ARCN1: variants seen among roughly 807,000 people sequenced by gnomAD.
ARCN1 encodes coatomer subunit delta.
In ARCN1, 5 loss-of-function variants were observed where a neutral mutation model predicts 60.4. That is an observed-to-expected ratio of 0.08 (90% CI 0.04 to 0.17). ARCN1 has a LOEUF of 0.17. Ranked by LOEUF, ARCN1 falls within the 10% of genes least tolerant of loss-of-function variation. The probability of loss-of-function intolerance (pLI) is 1.00; values close to 1 mark genes in which losing one functional copy is unlikely to be tolerated. For synonymous variants in ARCN1, 224 were observed against 220.0 expected, an observed-to-expected ratio of 1.02 and a Z score of -0.16; for missense variants, 464 against 626.5, an observed-to-expected ratio of 0.74 and a Z score of 2.77.
chr11:118,597,955 A>G (rs1383433779), intron 9 of ARCN1, 44 bp downstream of exon 9: 3 of 1,595,584 alleles, frequency 1.9e-6, no homozygotes, highest in Non-Finnish European at 1.7e-6. Flanking sequence ...AAGTGGTAGG[A>G]CAGTAGGAAC....
intron 1 of ARCN1, among the ~76,000 whole-genome samples, chr11:118,579,581 G>A (rs1461219854): frequency 3.3e-5 from 5 of 151,106 alleles, no homozygotes; most frequent in African/African-American, 7.3e-5. Context: ...CCAGCTACTC[G>A]GGAGGCTGAG....
At position 118,572,480 on chromosome 11, in the gene ARCN1, G is replaced by A. The variant is rs1267579050; in HGVS notation, c.-68G>A. The A allele has an allele frequency of 3.2e-6, 5 of 1,570,966 alleles. No individual in the cohort carries two copies. Among genetic ancestry groups the A allele is most frequent in the Middle Eastern group, 3.3e-4 (2 of 5,978 alleles). ...CAGGTCCAGAGCTGCTGGTGCTCCC[G>A]TTCCCCAGACCCTACCCCTATCCCC... is the stretch of plus-strand genomic sequence containing the variant. On this transcript the variant is annotated 5_prime_UTR_variant, in exon 1 of 10. Coordinates refer to ENST00000264028, the MANE Select transcript of ARCN1 (RefSeq NM_001655.5).
rs1939149096 is a variant in ARCN1 at position 118,601,566 on chromosome 11, C to G, written c.*852C>G. 1 of 695,238 alleles carries G rather than the reference C, an allele frequency of 1.4e-6. No homozygotes were observed. The highest frequency in any genetic ancestry group is 2.7e-5 in the East Asian group (1 of 37,156). The allele number at this position is 695,238 out of a possible 1,614,324, so 43.1% of individuals were successfully genotyped here. A position where few individuals can be genotyped will look rare whatever the true frequency, so the allele number is the denominator to read the frequency against. ...TTTGGCACTCCTGGAACAAGTATAT[C>G]TAACCCATTCTTGATTTTTGGACTA... On this transcript the variant is annotated 3_prime_UTR_variant, in exon 10 of 10. Transcript: ENST00000264028.
chr11:118,576,431 A>T (rs1489705535), intron 1 of ARCN1, among the ~76,000 whole-genome samples: 55 of 140,602 alleles, frequency 3.9e-4, no homozygotes, highest in African/African-American at 1.4e-3. Context: ...AATGTTAAAA[A>T]AAAAAAAAAA....
chr11:118,583,597 T>TAA (rs35189263), intron 3 of ARCN1, among the ~76,000 whole-genome samples: 7 of 148,250 alleles, frequency 4.7e-5, no homozygotes, highest in African/African-American at 1.5e-4. Context: ...CTATAAAAAG[T>TAA]AAAAAAAAAA....
At chr11:118,599,281 C>T (rs1000368786) in intron 9 of ARCN1, among the ~76,000 whole-genome samples, 19 of 151,872 alleles carry the variant, frequency 1.3e-4, no homozygotes, top group Non-Finnish European at 5.9e-5. Context: ...TTAGTAAAGA[C>T]GGTATTTCAC....
intron 5 of ARCN1, among the ~76,000 whole-genome samples, chr11:118,585,330 C>A (rs192168952): frequency 5.1e-4 from 77 of 152,156 alleles, no homozygotes; most frequent in Admixed American, 3.0e-3. Context: ...TTAGAACTTT[C>A]CTTTTACAGC....
intron 1 of ARCN1, among the ~76,000 whole-genome samples, chr11:118,577,558 T>G (rs1029929988): frequency 6.6e-6 from 1 of 152,196 alleles, no homozygotes; most frequent in Non-Finnish European, 1.5e-5. Context: ...ATGCTGTTTC[T>G]TCTATCAAGT....
intron 1 of ARCN1, among the ~76,000 whole-genome samples, chr11:118,577,092 TGGGAGAATCACCTGA>T (rs1938533742): frequency 6.6e-6 from 1 of 151,874 alleles, no homozygotes; most frequent in Admixed American, 6.6e-5. Context: ...GAGGCTGAGG[TGGGAGAATCACCTGA>T]GCCCAGAAGG....
At chr11:118,588,799 C>T (rs1032579250) in intron 5 of ARCN1, among the ~76,000 whole-genome samples, 4 of 152,074 alleles carry the variant, frequency 2.6e-5, no homozygotes, top group Non-Finnish European at 5.9e-5. Context: ...AGGCAGATCA[C>T]CTGAGGTCAG....
intron 5 of ARCN1, among the ~76,000 whole-genome samples, chr11:118,588,984 C>T (rs889179547): frequency 5.9e-5 from 9 of 152,156 alleles, no homozygotes; most frequent in Non-Finnish European, 5.9e-5. Context: ...CGCCATTGCA[C>T]TCCAGCCTGG....
At chr11:118,576,160 GT>G (rs200268771) in intron 1 of ARCN1, among the ~76,000 whole-genome samples, 1 of 151,830 alleles carries the variant, frequency 6.6e-6, no homozygotes, top group Non-Finnish European at 1.5e-5. Context: ...AATTCTCCAG[GT>G]TTTTTTACTT....
At chr11:118,578,448 CT>C (rs1938574105) in intron 1 of ARCN1, among the ~76,000 whole-genome samples, 1 of 152,038 alleles carries the variant, frequency 6.6e-6, no homozygotes, top group Non-Finnish European at 1.5e-5. Context: ...GCTGTCCTTT[CT>C]TTAGGTGTTC....
chr11:118,591,038 G>A (rs986984728), intron 6 of ARCN1, among the ~76,000 whole-genome samples: 4 of 152,162 alleles, frequency 2.6e-5, no homozygotes, highest in South Asian at 2.1e-4. Context: ...GGCACAATGC[G>A]AAATTTACTC....
chr11:118,578,872 C>T lies in ARCN1; in HGVS notation c.4-2374C>T, dbSNP rs894145269. 2.2e-4 allele frequency among the ~76,000 whole-genome samples: 17 copies of T among 76,004 alleles called. 2 individuals are homozygous for T. Among genetic ancestry groups the T allele is most frequent in the Non-Finnish European group, 2.5e-4 (10 of 40,026 alleles). 49.9% of individuals were successfully genotyped at this position (76,004 alleles called of 152,430 possible). A position where few individuals can be genotyped will look rare whatever the true frequency, so the allele number is the denominator to read the frequency against. ...TGGGCAACATGGCAAAACCCCGTCT[C>T]TCTTTTTTTTTTTTTTTTTTTTTTT... On this transcript the variant is annotated intron_variant, in intron 1 of 9. Transcript: ENST00000264028.
intron 1 of ARCN1, among the ~76,000 whole-genome samples, chr11:118,578,529 A>G (rs1938575655): frequency 1.3e-5 from 2 of 152,206 alleles, no homozygotes; most frequent in Non-Finnish European, 2.9e-5. Flanking sequence ...TCCTAGAGCT[A>G]TGACTCTCAA....
chr11:118,573,474 T>C (rs993329131), intron 1 of ARCN1: 6 of 489,902 alleles, frequency 1.2e-5, no homozygotes, highest in African/African-American at 1.2e-4. Context: ...CAATCTTCCT[T>C]TATCGCTGTG....
intron 5 of ARCN1, among the ~76,000 whole-genome samples, chr11:118,586,443 T>C (rs1235383750): frequency 8.6e-5 from 13 of 152,020 alleles, no homozygotes; most frequent in African/African-American, 3.1e-4. Context: ...ATGAACAGGG[T>C]TACATTGGGA....
chr11:118,584,860 C>T (rs1486511851), intron 5 of ARCN1, among the ~76,000 whole-genome samples: 5 of 152,078 alleles, frequency 3.3e-5, no homozygotes, highest in Non-Finnish European at 7.4e-5. Flanking sequence ...GAGTCTCACT[C>T]TGTCACCCAG....
Sources: gnomAD v4.1 joint callset for allele counts (sites outside exome capture counted in the v4.1 genomes callset) on GRCh38, gnomAD v4.1.1 for gene constraint, MANE v1.5 for transcripts, NCBI Gene and HGNC (gene_info 2026-07-23, HGNC 2026-07-21) for gene names.